The following PHF6 variants were observed in gnomAD, a reference collection of about 807,000 sequenced individuals.
The protein encoded by PHF6 is PHD-like zinc finger protein.
A neutral mutation model predicts 34.0 loss-of-function variants in PHF6; 7 were observed. That is an observed-to-expected ratio of 0.21 (90% CI 0.12 to 0.39). The LOEUF is 0.39. PHF6 is among the 10% of genes least tolerant of loss of function. PHF6 has a pLI of 1.00. For missense variants in PHF6, 128 were observed against 262.8 expected (o/e 0.49, Z 3.55); for synonymous variants, 89 against 88.4 (o/e 1.01, Z -0.04).
intron 5 of PHF6, among the ~76,000 whole-genome samples, chrX:134,404,187 GC>G (rs1426318110): frequency 8.9e-6 from 1 of 112,495 alleles, no homozygotes; most frequent in Admixed American, 9.4e-5. Flanking sequence ...AATTCTGGAT[GC>G]CATTGAGAAC....
intron 1 of PHF6, among the ~76,000 whole-genome samples, chrX:134,376,213 C>CTAGCTT (rs1038766494): frequency 3.6e-5 from 4 of 112,049 alleles, no homozygotes; most frequent in African/African-American, 1.3e-4. Flanking sequence ...TATTACCTTC[C>CTAGCTT]TAGCATACAG....
At chrX:134,377,178 A>C (rs2077281160) in intron 1 of PHF6, among the ~76,000 whole-genome samples, 1 of 111,878 alleles carries the variant, frequency 8.9e-6, no homozygotes, top group East Asian at 2.8e-4. Flanking sequence ...CATATCCTCC[A>C]ATTTGGAAGC....
chrX:134,406,381 A>G (rs2077425337), intron 5 of PHF6, among the ~76,000 whole-genome samples: 1 of 111,810 alleles, frequency 8.9e-6, no homozygotes, highest in African/African-American at 3.3e-5. Context: ...GTTAAGACCT[A>G]GTAAGTGGCA....
chrX:134,414,730 T>A (rs959007409), intron 7 of PHF6, among the ~76,000 whole-genome samples: 1 of 111,629 alleles, frequency 9.0e-6, no homozygotes, highest in Non-Finnish European at 1.9e-5. Context: ...TTTGTGGAAA[T>A]GTAAAATAGT....
At chrX:134,422,077 C>G (rs986380348) in intron 9 of PHF6, among the ~76,000 whole-genome samples, 2 of 110,042 alleles carry the variant, frequency 1.8e-5, no homozygotes, top group African/African-American at 6.6e-5. Context: ...CTCAGGGGCA[C>G]CCCATTATAC....
chrX:134,399,326 T>C (rs956998941), intron 5 of PHF6, among the ~76,000 whole-genome samples: 1 of 111,354 alleles, frequency 9.0e-6, no homozygotes, highest in African/African-American at 3.3e-5. Flanking sequence ...TGGCATGGCA[T>C]GTTACATACA....
intron 9 of PHF6, among the ~76,000 whole-genome samples, chrX:134,420,732 A>G (rs111782160): frequency 9.1e-6 from 1 of 110,368 alleles, no homozygotes; most frequent in Non-Finnish European, 1.9e-5. Context: ...AGCTGGGACT[A>G]CAGGCACACG....
intron 2 of PHF6, 88 bp downstream of exon 2, chrX:134,377,843 ACAAAAACC>A: frequency 9.5e-7 from 1 of 1,056,277 alleles, no homozygotes; most frequent in Non-Finnish European, 1.3e-6. Context: ...AAAAAAAAAA[ACAAAAACC>A]AAAAAAAACT....
intron 3 of PHF6, 120 bp downstream of exon 3, chrX:134,378,226 C>CT (rs1271142117): frequency 0.042 from 12,916 of 303,983 alleles, no homozygotes; most frequent in East Asian, 0.063. Flanking sequence ...GCAGGCTTTT[C>CT]TTTTTTTTTT....
At chrX:134,384,812 T>C (rs763843492) in intron 3 of PHF6, among the ~76,000 whole-genome samples, 9 of 103,642 alleles carry the variant, frequency 8.7e-5, no homozygotes, top group Non-Finnish European at 1.7e-4. Context: ...CCACCGCTCC[T>C]GGCTAATTTT....
chrX:134,408,545 C>T lies in PHF6; in HGVS notation c.419-4946C>T, dbSNP rs6638226. ...CATTTAATTTTAATTTCCATTATCA[C>T]TGGTGAGGTTGGGCCTCTGTTCATG... On this transcript the variant is annotated intron_variant, in intron 5 of 10. Coordinates refer to ENST00000370803, the MANE Select transcript of PHF6 (RefSeq NM_001015877.2). Among the ~76,000 whole-genome samples, 6 of 109,097 alleles carry T rather than the reference C, an allele frequency of 5.5e-5. No individual in the cohort carries two copies. In the East Asian group the frequency reaches 1.8e-3, roughly 32 times the overall value. 94.7% of individuals were successfully genotyped at this position (109,097 alleles called of 115,157 possible). A position where few individuals can be genotyped will look rare whatever the true frequency, so the allele number is the denominator to read the frequency against.
chrX:134,405,337 T>C (rs1053383827), intron 5 of PHF6, among the ~76,000 whole-genome samples: 1 of 111,166 alleles, frequency 9.0e-6, no homozygotes, highest in Non-Finnish European at 1.9e-5. Context: ...TAGCTGGGAT[T>C]ACAGGTGCCT....
intron 4 of PHF6, 95 bp downstream of exon 4, chrX:134,393,729 T>C: frequency 1.1e-6 from 1 of 890,825 alleles, no homozygotes; most frequent in Non-Finnish European, 1.6e-6. Context: ...CATTTCATCA[T>C]CATCATAAAG....
At position 134,425,943 on chromosome X, in the gene PHF6, G is replaced by A. The variant is rs1602722910; in HGVS notation, c.*283G>A. Reference sequence around the variant, plus strand: ...TGTCAACAGTTAAAGCAGACGAAACGAAGTAAGCTATATTTCTGGACTGAA... The same window carrying A: ...TGTCAACAGTTAAAGCAGACGAAACAAAGTAAGCTATATTTCTGGACTGAA... On this transcript the variant is annotated 3_prime_UTR_variant, in exon 11 of 11. Transcript: ENST00000370803. 1.2e-5 allele frequency: 2 copies of A among 163,953 alleles called. No individual in the cohort carries two copies. Among genetic ancestry groups the A allele is most frequent in the South Asian group, 3.2e-4 (1 of 3,163 alleles). 13.5% of individuals were successfully genotyped at this position (163,953 alleles called of 1,213,427 possible).
intron 5 of PHF6, among the ~76,000 whole-genome samples, chrX:134,395,953 TC>T (rs2077375454): frequency 8.9e-6 from 1 of 112,276 alleles, no homozygotes; most frequent in Non-Finnish European, 1.9e-5. Flanking sequence ...AATTGGAAAA[TC>T]CTTTGTGAAA....
At position 134,425,785 on chromosome X, in the gene PHF6, A is replaced by G. The variant is rs1365871799; in HGVS notation, c.*125A>G. 2 of 186,810 alleles carry G rather than the reference A, an allele frequency of 1.1e-5. No individual in the cohort carries two copies. The highest frequency in any genetic ancestry group is 5.9e-5 in the African/African-American group (2 of 33,942). The allele number at this position is 186,810 out of a possible 1,213,427, so 15.4% of individuals were successfully genotyped here. A position where few individuals can be genotyped will look rare whatever the true frequency, so the allele number is the denominator to read the frequency against. On this transcript the variant is annotated 3_prime_UTR_variant, in exon 11 of 11. Transcript: ENST00000370803. ...TTACTGCCCAACTCTTAGATCCTTCATTGAACTGCCTAAAAATGTCTTGTT... is the reference window on the plus strand; with the variant it reads ...TTACTGCCCAACTCTTAGATCCTTCGTTGAACTGCCTAAAAATGTCTTGTT...
chrX:134,413,028 T>G (rs1602715094), intron 5 of PHF6, among the ~76,000 whole-genome samples: 1 of 112,088 alleles, frequency 8.9e-6, no homozygotes, highest in African/African-American at 3.2e-5. Flanking sequence ...ACTAGCCACA[T>G]GTAGCCAATA....
chrX:134,400,406 T>C (rs2077398370), intron 5 of PHF6, among the ~76,000 whole-genome samples: 2 of 105,008 alleles, frequency 1.9e-5, no homozygotes, highest in Admixed American at 1.0e-4. Context: ...TTTTTTTTTT[T>C]TTTTTTTTAG....
intron 5 of PHF6, among the ~76,000 whole-genome samples, chrX:134,408,755 C>T (rs752486130): frequency 8.9e-6 from 1 of 112,057 alleles, no homozygotes; most frequent in East Asian, 2.8e-4. Context: ...CTCTTGTCAC[C>T]AGGTTGGAGT....
Sources: gnomAD v4.1 joint callset for allele counts (sites outside exome capture counted in the v4.1 genomes callset) on GRCh38, gnomAD v4.1.1 for gene constraint, MANE v1.5 for transcripts, NCBI Gene and HGNC (gene_info 2026-07-23, HGNC 2026-07-21) for gene names.